Variants in LINGO2 observed in about 807,000 individuals in gnomAD.
LINGO2 encodes the protein leucine rich repeat and Ig domain containing 2, also known as leucine-rich repeat and immunoglobulin-like domain-containing nogo receptor-interacting protein 2.
In LINGO2, 14 loss-of-function variants were observed where a neutral mutation model predicts 30.6. The observed-to-expected ratio is 0.46, with a 90% confidence interval of 0.30 to 0.72. LINGO2 has a LOEUF of 0.72. Among genes scored for constraint, LINGO2 ranks in the 30% least tolerant of loss-of-function variants. The probability of loss-of-function intolerance (pLI) is 0.07; values close to 1 mark genes in which losing one functional copy is unlikely to be tolerated. For missense variants in LINGO2, 729 were observed against 751.7 expected (o/e 0.97, Z 0.35); for synonymous variants, 317 against 288.5 (o/e 1.10, Z -1.00).
intron 4 of LINGO2, among the ~76,000 whole-genome samples, chr9:28,057,488 G>A (rs144434152): frequency 7.9e-6 from 1 of 126,612 alleles, no homozygotes. Context: ...CTTGTTCATG[G>A]CTTTCCAGTT....
the LINGO2 span, among the ~76,000 whole-genome samples, chr9:28,677,016 G>A: frequency 2.0e-5 from 3 of 152,028 alleles, no homozygotes; most frequent in Non-Finnish European, 4.4e-5. Flanking sequence ...AAATAATAGC[G>A]ATAATTAACG....
chr9:29,017,825 G>C, the LINGO2 span, among the ~76,000 whole-genome samples: 8 of 151,990 alleles, frequency 5.3e-5, no homozygotes, highest in Middle Eastern at 3.4e-3. Context: ...TAAGTCTCTA[G>C]ACTGACACGG....
the LINGO2 span, among the ~76,000 whole-genome samples, chr9:28,979,328 G>A: frequency 6.6e-6 from 1 of 152,066 alleles, no homozygotes; most frequent in Admixed American, 6.6e-5. Flanking sequence ...TCTCTCTAGT[G>A]TACCATATGG....
At chr9:28,858,921 G>A in the LINGO2 span, among the ~76,000 whole-genome samples, 1 of 151,954 alleles carries the variant, frequency 6.6e-6, no homozygotes, top group Non-Finnish European at 1.5e-5. Flanking sequence ...TTCCCCTTGC[G>A]TGTTGCAAAG....
intron 1 of LINGO2, among the ~76,000 whole-genome samples, chr9:28,516,771 T>C (rs1820634739): frequency 6.6e-6 from 1 of 152,222 alleles, no homozygotes; most frequent in African/African-American, 2.4e-5. Flanking sequence ...AAGTATTCTC[T>C]CAGGTTGAAA....
chr9:29,189,148 AC>A, the LINGO2 span, among the ~76,000 whole-genome samples: 3 of 96,726 alleles, frequency 3.1e-5, no homozygotes, highest in African/African-American at 1.2e-4. Flanking sequence ...CGGGGGGCTG[AC>A]CCCCCCACCT....
the LINGO2 span, among the ~76,000 whole-genome samples, chr9:28,770,035 T>G: frequency 6.6e-6 from 1 of 152,124 alleles, no homozygotes; most frequent in Non-Finnish European, 1.5e-5. Context: ...GCTCTGTGCT[T>G]CTTCTCCACT....
chr9:28,331,576 G>C (rs888490368), intron 3 of LINGO2, among the ~76,000 whole-genome samples: 5 of 152,136 alleles, frequency 3.3e-5, no homozygotes, highest in Admixed American at 2.6e-4. Context: ...CCTGATCATG[G>C]GTCAGGGTAG....
At chr9:28,994,274 T>A in the LINGO2 span, among the ~76,000 whole-genome samples, 7 of 152,056 alleles carry the variant, frequency 4.6e-5, no homozygotes, top group African/African-American at 1.4e-4. Context: ...CACAATTGCT[T>A]CAAAGAGAAT....
chr9:28,033,929 C>A (rs187168105), intron 4 of LINGO2, among the ~76,000 whole-genome samples: 2 of 152,166 alleles, frequency 1.3e-5, no homozygotes, highest in African/African-American at 4.8e-5. Context: ...GGCCCTTGTG[C>A]GTTTTATTCT....
At chr9:28,436,783 G>A (rs536411912) in intron 2 of LINGO2, among the ~76,000 whole-genome samples, 71 of 152,216 alleles carry the variant, frequency 4.7e-4, no homozygotes, top group Non-Finnish European at 8.7e-4. Context: ...AAAGCGTGTC[G>A]GGGTATAGAG....
chr9:28,256,820 A>G (rs191010359), intron 4 of LINGO2, among the ~76,000 whole-genome samples: 62 of 151,968 alleles, frequency 4.1e-4, no homozygotes, highest in African/African-American at 1.4e-3. Context: ...AGAAGTATAA[A>G]AATAAAATGT....
At chr9:28,561,915 T>C (rs754379312) in intron 1 of LINGO2, among the ~76,000 whole-genome samples, 5 of 151,390 alleles carry the variant, frequency 3.3e-5, no homozygotes, top group Non-Finnish European at 7.4e-5. Context: ...AATATGCACT[T>C]AATGAGCACT....
chr9:28,104,885 G>A (rs1298145589), intron 4 of LINGO2, among the ~76,000 whole-genome samples: 1 of 151,178 alleles, frequency 6.6e-6, no homozygotes, highest in East Asian at 2.0e-4. Context: ...ATATAAGGTA[G>A]AATCCGGCCC....
chr9:28,759,638 C>G, the LINGO2 span, among the ~76,000 whole-genome samples: 1 of 151,142 alleles, frequency 6.6e-6, no homozygotes, highest in African/African-American at 2.4e-5. Flanking sequence ...GCCTAGATCG[C>G]ACCACTGCAC....
At chr9:28,249,504 A>G (rs1368973122) in intron 4 of LINGO2, among the ~76,000 whole-genome samples, 1 of 152,134 alleles carries the variant, frequency 6.6e-6, no homozygotes, top group Non-Finnish European at 1.5e-5. Context: ...GCATTGTACA[A>G]TCATGCACTT....
chr9:28,173,308 C>G (rs1828654645), intron 4 of LINGO2, among the ~76,000 whole-genome samples: 1 of 152,146 alleles, frequency 6.6e-6, no homozygotes, highest in African/African-American at 2.4e-5. Flanking sequence ...AGCTCACTCT[C>G]TTTAAAATGG....
intron 4 of LINGO2, among the ~76,000 whole-genome samples, chr9:28,029,658 TTTA>T (rs767813075): frequency 2.0e-5 from 3 of 152,184 alleles, no homozygotes; most frequent in Admixed American, 2.0e-4. Context: ...CGTTTAAGAA[TTTA>T]TTGAGATAGT....
At chr9:28,893,204 G>A in the LINGO2 span, among the ~76,000 whole-genome samples, 3 of 151,856 alleles carry the variant, frequency 2.0e-5, no homozygotes, top group Non-Finnish European at 4.4e-5. Flanking sequence ...CTAGTATAAT[G>A]ATGTTTTGTT....
Sources: allele counts gnomAD v4.1 joint callset (sites outside exome capture counted in the v4.1 genomes callset), GRCh38; gene constraint gnomAD v4.1.1; transcripts MANE v1.5; gene names NCBI Gene and HGNC (gene_info 2026-07-23, HGNC 2026-07-21).